The following CPNE1 variants were observed in gnomAD, a reference collection of about 807,000 sequenced individuals.
CPNE1 encodes copine-1.
In CPNE1, 58 loss-of-function variants were observed where a neutral mutation model predicts 63.2. The observed-to-expected ratio is 0.92, with a 90% CI of 0.74 to 1.14. The LOEUF (loss-of-function observed/expected upper bound fraction) is 1.14. Ranked by LOEUF, CPNE1 falls within the 50% of genes most tolerant of loss-of-function variation. The pLI is 0.00. For missense variants in CPNE1, 672 were observed against 661.7 expected (o/e 1.02, Z -0.17); for synonymous variants, 237 against 249.0 (o/e 0.95, Z 0.45).
intron 1 of CPNE1, chr20:35,649,553 T>C (rs2033354750): frequency 6.6e-6 from 1 of 152,642 alleles, no homozygotes; most frequent in Admixed American, 6.5e-5. Flanking sequence ...GGAACTACAT[T>C]TCACTTAACA....
chr20:35,663,355 G>T (rs1479484052), intron 1 of CPNE1, among the ~76,000 whole-genome samples: 1 of 152,114 alleles, frequency 6.6e-6, no homozygotes, highest in Non-Finnish European at 1.5e-5. Context: ...AGTTAACAAG[G>T]TCCCAGACAA....
At chr20:35,636,985 T>C (rs929083687) in intron 1 of CPNE1, among the ~76,000 whole-genome samples, 4 of 152,194 alleles carry the variant, frequency 2.6e-5, no homozygotes, top group Admixed American at 2.6e-4. Context: ...AATTCTGTAT[T>C]GTTTCAATAT....
rs1401601280 is a variant in CPNE1 at position 35,626,090 on chromosome 20, G to A, written c.*151C>T. The A allele has an allele frequency of 3.7e-6, 3 of 812,550 alleles. No individual in the cohort carries two copies. The highest frequency in any genetic ancestry group is 4.9e-5 in the East Asian group (2 of 40,792). 50.3% of individuals were successfully genotyped at this position (812,550 alleles called of 1,614,324 possible). On this transcript the variant is annotated 3_prime_UTR_variant, in exon 16 of 16. Coordinates refer to ENST00000397443, the MANE Select transcript of CPNE1 (RefSeq NM_152925.3). The stretch of plus-strand genomic sequence containing the variant: ...TGAATGAGGGTTGTCAGGAGCAAAG[G>A]TGGGATCAAGAGCAGCAAAAGCAGA...
intron 1 of CPNE1, among the ~76,000 whole-genome samples, chr20:35,640,408 C>T (rs1404600445): frequency 6.6e-6 from 1 of 152,086 alleles, no homozygotes; most frequent in African/African-American, 2.4e-5. Flanking sequence ...CTTTTTAGGA[C>T]CAAAATCTTC....
rs1378103372 is a variant in CPNE1 at position 35,662,806 on chromosome 20, CG to C, written c.-1+1953del. On this transcript the variant is annotated intron_variant, in intron 1 of 15. Transcript: ENST00000397443. ...AATACTCAATCATCAAAACATTTGA[CG>C]TGTCAAAGAAGGTGAAAGAAGCCCA... is the stretch of plus-strand genomic sequence containing the variant. Among the ~76,000 whole-genome samples the C allele has an allele frequency of 3.3e-5, 5 of 152,240 alleles. No individual in the cohort carries two copies. The East Asian group carries it at 9.6e-4, about 29-fold the overall frequency.
intron 1 of CPNE1, among the ~76,000 whole-genome samples, chr20:35,660,089 G>A (rs1403430520): frequency 6.6e-6 from 1 of 152,172 alleles, no homozygotes; most frequent in Non-Finnish European, 1.5e-5. Context: ...TACTCAAGTT[G>A]CTAAAGAATA....
intron 1 of CPNE1, among the ~76,000 whole-genome samples, chr20:35,662,301 TCTAAC>T (rs1230404147): frequency 2.0e-5 from 3 of 152,230 alleles, no homozygotes; most frequent in Admixed American, 1.3e-4. Context: ...AAATTATACT[TCTAAC>T]CTAAACAACC....
At position 35,631,007 on chromosome 20, in the gene CPNE1, CA is replaced by C; in HGVS notation, c.888del (p.Asn296LysfsTer13). 3 of 1,613,808 alleles carry C rather than the reference CA, an allele frequency of 1.9e-6. No individual in the cohort carries two copies. The South Asian group carries it at 3.3e-5, about 18-fold the overall frequency. ...AGGGAGTCAGGTGAGGAGGGGTCTC[CA>C]TTGGAGCCAGTGAAGTCCACGCCCA... ...FTVGVDFTGS[N>X]GDPSSPDSLH... is the part of the protein sequence containing the mutation. On this transcript the variant is annotated frameshift_variant, in exon 11 of 16. Coordinates refer to ENST00000397443, the MANE Select transcript of CPNE1 (RefSeq NM_152925.3). LOFTEE classifies it high-confidence loss of function.
chr20:35,634,405 C>G (rs1225545572), intron 1 of CPNE1, among the ~76,000 whole-genome samples: 1 of 151,384 alleles, frequency 6.6e-6, no homozygotes, highest in Non-Finnish European at 1.5e-5. Context: ...ACCAGCCTGA[C>G]CAACATGGTG....
chr20:35,659,705 C>T (rs12626092), intron 1 of CPNE1, among the ~76,000 whole-genome samples: 1 of 152,088 alleles, frequency 6.6e-6, no homozygotes, highest in Non-Finnish European at 1.5e-5. Context: ...CTAAAAATGC[C>T]TGACATATTA....
chr20:35,628,439 C>A (rs887364921), intron 13 of CPNE1, among the ~76,000 whole-genome samples: 1 of 152,004 alleles, frequency 6.6e-6, no homozygotes, highest in East Asian at 1.9e-4. Flanking sequence ...CCTGGTAGAT[C>A]TTACCTTAAC....
chr20:35,627,303 C>T lies in CPNE1; in HGVS notation c.1213G>A (p.Ala405Thr), dbSNP rs1003706752. The T allele has an allele frequency of 6.2e-7, 1 of 1,612,004 alleles. No individual in the cohort carries two copies. Among genetic ancestry groups the T allele is most frequent in the African/African-American group, 1.3e-5 (1 of 74,500 alleles). Reference sequence around the variant, plus strand: ...ACCGAGGCAGTCCCCTGATGTGCAGCCTGGGCTGCAAACCTGGCCACATGG... The same window carrying T: ...ACCGAGGCAGTCCCCTGATGTGCAGTCTGGGCTGCAAACCTGGCCACATGG... Reference protein sequence around the residue: ...INHVARFAAQAAHQGTASQYF... With the variant: ...INHVARFAAQTAHQGTASQYF... Residue 405 changes from alanine (A) to threonine (T), a missense_variant, in exon 14 of 16, where the codon GCT (alanine) becomes ACT (threonine). Coordinates refer to ENST00000397443, the MANE Select transcript of CPNE1 (RefSeq NM_152925.3).
intron 1 of CPNE1, chr20:35,654,402 A>C: frequency 1.2e-6 from 2 of 1,614,272 alleles, no homozygotes; most frequent in Non-Finnish European, 1.7e-6. Flanking sequence ...TTCCATGCAC[A>C]CTGACATACA....
At chr20:35,651,248 T>C (rs1341747972) in intron 1 of CPNE1, 1 of 152,266 alleles carries the variant, frequency 6.6e-6, no homozygotes, top group Non-Finnish European at 1.5e-5. Flanking sequence ...AGTGTTTTCA[T>C]GACAAGGACA....
chr20:35,632,250 T>C lies in CPNE1; in HGVS notation c.385-16A>G, dbSNP rs113306960. The C allele has an allele frequency of 5.0e-6, 8 of 1,613,406 alleles. No homozygotes were observed. Among genetic ancestry groups the C allele is most frequent in the African/African-American group, 4.0e-5 (3 of 75,020 alleles). On this transcript the variant is annotated splice_polypyrimidine_tract_variant and intron_variant, in intron 4 of 15. Coordinates refer to ENST00000397443, the MANE Select transcript of CPNE1 (RefSeq NM_152925.3). ...GAGCTGAGACCTAGGTAGGGGAGAC[T>C]ACATCACCTCATGAATTCATTGATG...
intron 1 of CPNE1, among the ~76,000 whole-genome samples, chr20:35,642,349 G>A (rs1422430676): frequency 6.6e-6 from 1 of 152,196 alleles, no homozygotes; most frequent in Non-Finnish European, 1.5e-5. Flanking sequence ...GCAAGAAGGT[G>A]GCATAGAGGG....
chr20:35,631,802 A>T, intron 6 of CPNE1, 25 bp from the exon 7 acceptor site: 1 of 1,601,994 alleles, frequency 6.2e-7, no homozygotes, highest in South Asian at 1.1e-5. Flanking sequence ...CAAGGCCTCC[A>T]GTGAGCTCTG....
At chr20:35,655,034 T>C in intron 1 of CPNE1, 1 of 1,614,176 alleles carries the variant, frequency 6.2e-7, no homozygotes, top group Non-Finnish European at 8.5e-7. Context: ...GCTGGTGGTA[T>C]ATCTAAGTTG....
intron 1 of CPNE1, among the ~76,000 whole-genome samples, chr20:35,640,664 A>G (rs889720128): frequency 1.3e-5 from 2 of 152,154 alleles, no homozygotes; most frequent in African/African-American, 4.8e-5. Context: ...CTTGCTTATT[A>G]TGTATTTCTC....
Sources: gnomAD v4.1 joint callset for allele counts (sites outside exome capture counted in the v4.1 genomes callset) on GRCh38, gnomAD v4.1.1 for gene constraint, MANE v1.5 for transcripts, NCBI Gene and HGNC (gene_info 2026-07-23, HGNC 2026-07-21) for gene names.